MARCHF1: variants seen among roughly 807,000 people sequenced by gnomAD.
MARCHF1 encodes E3 ubiquitin-protein ligase MARCHF1.
MARCHF1 carries 40 observed loss-of-function variants against 54.2 expected under a neutral mutation model. The ratio of observed to expected loss-of-function variants is 0.74; its 90% CI spans 0.57 to 0.96. The LOEUF (loss-of-function observed/expected upper bound fraction) is 0.96. MARCHF1 is among the 40% of genes least tolerant of loss of function. MARCHF1 has a pLI of 0.00. For synonymous variants in MARCHF1, 236 were observed against 236.3 expected (o/e 1.00, Z 0.01); for missense variants, 586 against 656.5 (o/e 0.89, Z 1.17).
intron 7 of MARCHF1, among the ~76,000 whole-genome samples, chr4:163,611,314 A>T (rs1741331579): frequency 6.6e-6 from 1 of 152,070 alleles, no homozygotes; most frequent in African/African-American, 2.4e-5. Context: ...TCACATGTAG[A>T]GTTTAATTCT....
At chr4:164,195,600 G>T (rs1013664460) in intron 1 of MARCHF1, among the ~76,000 whole-genome samples, 1 of 152,090 alleles carries the variant, frequency 6.6e-6, no homozygotes, top group Non-Finnish European at 1.5e-5. Flanking sequence ...TCCCTGACTT[G>T]TGCTTGGGAT....
At chr4:163,987,668 A>G (rs893648988) in intron 3 of MARCHF1, among the ~76,000 whole-genome samples, 4 of 152,220 alleles carry the variant, frequency 2.6e-5, no homozygotes, top group Non-Finnish European at 4.4e-5. Flanking sequence ...TTAAAGAGAC[A>G]AGAAGATTAC....
intron 1 of MARCHF1, among the ~76,000 whole-genome samples, chr4:164,296,650 A>G (rs1486660702): frequency 1.3e-5 from 2 of 152,112 alleles, no homozygotes; most frequent in African/African-American, 2.4e-5. Context: ...GATTACAGGC[A>G]TGAGCCACCA....
At chr4:164,211,354 T>C (rs370110047) in intron 1 of MARCHF1, among the ~76,000 whole-genome samples, 11 of 115,176 alleles carry the variant, frequency 9.6e-5, no homozygotes, top group African/African-American at 2.5e-4. Context: ...TATATATATA[T>C]ACCACATTGC....
intron 4 of MARCHF1, among the ~76,000 whole-genome samples, chr4:163,701,248 A>T (rs1436721693): frequency 6.6e-6 from 1 of 152,176 alleles, no homozygotes; most frequent in African/African-American, 2.4e-5. Context: ...TCTGGTTTTC[A>T]ATATCATTAA....
rs539208013 is a variant in MARCHF1, at chr4:164,267,664, G to A, written c.-323+116206C>T. Among the ~76,000 whole-genome samples the A allele has an allele frequency of 2.0e-4, 31 of 152,276 alleles. No individual in the cohort carries two copies. The South Asian group carries it at 6.2e-3, about 31-fold the overall frequency. ...ATATTGAGACACACTGAAAGTAAGAGAGCAGGAGGAAACAAAGCCAGGGTC... is the reference window on the plus strand; with the variant it reads ...ATATTGAGACACACTGAAAGTAAGAAAGCAGGAGGAAACAAAGCCAGGGTC... On this transcript the variant is annotated intron_variant, in intron 1 of 9. Transcript: ENST00000514618.
chr4:164,005,625 C>A (rs1753269977), intron 2 of MARCHF1, among the ~76,000 whole-genome samples: 1 of 152,122 alleles, frequency 6.6e-6, no homozygotes, highest in African/African-American at 2.4e-5. Context: ...CCTGTCCCTG[C>A]CTTACCTCAT....
At chr4:164,080,593 A>C (rs1303386050) in intron 2 of MARCHF1, among the ~76,000 whole-genome samples, 1 of 151,946 alleles carries the variant, frequency 6.6e-6, no homozygotes, top group Non-Finnish European at 1.5e-5. Context: ...AATTTCTCCT[A>C]AAATTTGTTT....
intron 5 of MARCHF1, among the ~76,000 whole-genome samples, chr4:163,661,475 C>T (rs983630141): frequency 2.0e-5 from 3 of 151,906 alleles, no homozygotes; most frequent in African/African-American, 2.4e-5. Flanking sequence ...TTGTGTCTCT[C>T]CTATTTTGGA....
chr4:163,867,167 G>A (rs575848172), intron 3 of MARCHF1, among the ~76,000 whole-genome samples: 2 of 151,956 alleles, frequency 1.3e-5, no homozygotes, highest in South Asian at 4.1e-4. Flanking sequence ...ACCATCTAGG[G>A]ACTCGCCATG....
intron 1 of MARCHF1, among the ~76,000 whole-genome samples, chr4:164,293,132 T>C (rs1432758749): frequency 1.3e-5 from 2 of 152,174 alleles, no homozygotes; most frequent in Non-Finnish European, 2.9e-5. Context: ...ATAATAGTAA[T>C]TGTTAAATTA....
At chr4:163,690,828 G>A (rs978802714) in intron 5 of MARCHF1, among the ~76,000 whole-genome samples, 21 of 152,086 alleles carry the variant, frequency 1.4e-4, no homozygotes, top group African/African-American at 4.3e-4. Flanking sequence ...AGCTCAAAGT[G>A]CCAGGCATCA....
chr4:164,134,429 A>C (rs1170514869), intron 1 of MARCHF1, among the ~76,000 whole-genome samples: 1 of 152,206 alleles, frequency 6.6e-6, no homozygotes, highest in African/African-American at 2.4e-5. Context: ...TCCTTGAAGA[A>C]TACATTACAT....
In MARCHF1 at chr4:163,751,585, A is replaced by T. The variant is rs867290613; in HGVS notation, c.112-50722T>A. 1.1e-4 allele frequency among the ~76,000 whole-genome samples: 16 copies of T among 151,892 alleles called. No homozygotes were observed. In the South Asian group the frequency reaches 2.5e-3, roughly 24 times the overall value. On this transcript the variant is annotated intron_variant, in intron 4 of 9. Coordinates refer to ENST00000514618, the MANE Select transcript of MARCHF1 (RefSeq NM_001394959.1). ...ATAAAACACAATTTTATACATTACC[A>T]AAAATTATAATATATGACCTAGAAA...
At chr4:163,732,341 C>A (rs1344656306) in intron 4 of MARCHF1, among the ~76,000 whole-genome samples, 1 of 151,748 alleles carries the variant, frequency 6.6e-6, no homozygotes, top group East Asian at 1.9e-4. Context: ...ATAGTGCAAA[C>A]ATTTAAAGTG....
At chr4:164,079,195 C>T (rs1755043358) in intron 2 of MARCHF1, among the ~76,000 whole-genome samples, 1 of 152,072 alleles carries the variant, frequency 6.6e-6, no homozygotes, top group East Asian at 1.9e-4. Flanking sequence ...ATGGTATTAG[C>T]ACTGTGTGTT....
chr4:164,044,023 C>T (rs993982727), intron 2 of MARCHF1, among the ~76,000 whole-genome samples: 3 of 152,134 alleles, frequency 2.0e-5, no homozygotes, highest in Admixed American at 2.0e-4. Flanking sequence ...CTTCATTGTC[C>T]ATATCACTAT....
intron 5 of MARCHF1, among the ~76,000 whole-genome samples, chr4:163,700,574 AAGGAAG>A: frequency 6.6e-6 from 1 of 150,802 alleles, no homozygotes; most frequent in Admixed American, 6.6e-5. Flanking sequence ...GGAAGGAAGG[AAGGAAG>A]GAAGGAAATT....
rs574673673 is a variant in MARCHF1, at chr4:164,310,319, G to A, written c.-323+73551C>T. Among the ~76,000 whole-genome samples the A allele has an allele frequency of 2.6e-4, 39 of 152,108 alleles. No homozygotes were observed. In the South Asian group the frequency reaches 3.9e-3, roughly 15 times the overall value. ...TCTTGATCTCTTGACCTCATGATCC[G>A]CCTACCTTGTATTCCCAAAGGGCTG... On this transcript the variant is annotated intron_variant, in intron 1 of 9. Coordinates refer to ENST00000514618, the MANE Select transcript of MARCHF1 (RefSeq NM_001394959.1).
Sources: allele counts gnomAD v4.1 joint callset (sites outside exome capture counted in the v4.1 genomes callset), GRCh38; gene constraint gnomAD v4.1.1; transcripts MANE v1.5; gene names NCBI Gene and HGNC (gene_info 2026-07-23, HGNC 2026-07-21).